CAMTA1: variants seen among roughly 807,000 people sequenced by gnomAD.
CAMTA1 encodes calmodulin binding transcription activator 1, also known as calmodulin-binding transcription activator 1.
In CAMTA1, 27 loss-of-function variants were observed where a neutral mutation model predicts 170.9. That is an observed-to-expected ratio of 0.16 (90% confidence interval 0.12 to 0.22). The LOEUF is 0.22. Ranked by LOEUF, CAMTA1 falls within the 10% of genes least tolerant of loss-of-function variation. The probability of loss-of-function intolerance (pLI) is 1.00; values close to 1 mark genes in which losing one functional copy is unlikely to be tolerated. For missense variants in CAMTA1, 1,619 were observed against 2,217.2 expected, an observed-to-expected ratio of 0.73 and a Z score of 5.42; for synonymous variants, 833 against 891.5, an observed-to-expected ratio of 0.93 and a Z score of 1.17.
chr1:7,302,075 CT>C (rs1265471240), intron 5 of CAMTA1, among the ~76,000 whole-genome samples: 2 of 149,820 alleles, frequency 1.3e-5, no homozygotes, highest in African/African-American at 4.9e-5. Flanking sequence ...TTAGGACTCA[CT>C]TTTGGAAAGG....
At chr1:6,972,629 C>G (rs1039912393) in intron 3 of CAMTA1, among the ~76,000 whole-genome samples, 1 of 152,138 alleles carries the variant, frequency 6.6e-6, no homozygotes, top group African/African-American at 2.4e-5. Flanking sequence ...ATCTGGCTGT[C>G]TTAGGGGCTG....
chr1:7,589,614 G>A (rs1465528312), intron 6 of CAMTA1, among the ~76,000 whole-genome samples: 1 of 152,120 alleles, frequency 6.6e-6, no homozygotes, highest in Non-Finnish European at 1.5e-5. Flanking sequence ...GACCTCTGTC[G>A]CTCAGCATCT....
Position 7,510,651 on chromosome 1 carries a change from G to A in CAMTA1, c.510+42750G>A, listed in dbSNP as rs945942841. On this transcript the variant is annotated intron_variant, in intron 6 of 22. Coordinates refer to ENST00000303635, the MANE Select transcript of CAMTA1 (RefSeq NM_015215.4). ...TGACGTCAAGAATCTTTCAAGTGATGAAATTCTTGGGGCGAGAATGTGTGG... is the reference window on the plus strand; with the variant it reads ...TGACGTCAAGAATCTTTCAAGTGATAAAATTCTTGGGGCGAGAATGTGTGG... Among the ~76,000 whole-genome samples the A allele has an allele frequency of 1.6e-4, 24 of 146,400 alleles. 2 individuals are homozygous for A. Among genetic ancestry groups the A allele is most frequent in the African/African-American group, 3.2e-4 (13 of 40,856 alleles).
intron 3 of CAMTA1, among the ~76,000 whole-genome samples, chr1:6,932,591 C>T (rs910291674): frequency 1.3e-5 from 2 of 152,194 alleles, no homozygotes; most frequent in African/African-American, 2.4e-5. Context: ...AAAGTGACCA[C>T]GCTGTTTTCT....
chr1:7,485,995 A>C (rs1323673748), intron 6 of CAMTA1, among the ~76,000 whole-genome samples: 1 of 152,242 alleles, frequency 6.6e-6, no homozygotes, highest in Non-Finnish European at 1.5e-5. Context: ...AGTTGAGCTT[A>C]ATTAGATAAA....
At chr1:6,871,285 AT>A (rs2148989115) in intron 3 of CAMTA1, among the ~76,000 whole-genome samples, 1 of 152,306 alleles carries the variant, frequency 6.6e-6, no homozygotes, top group South Asian at 2.1e-4. Flanking sequence ...GGTTTATTTT[AT>A]CATGTATCAC....
Position 7,481,342 on chromosome 1 carries a change from C to T in CAMTA1, c.510+13441C>T, listed in dbSNP as rs192188490. On this transcript the variant is annotated intron_variant, in intron 6 of 22. Coordinates refer to ENST00000303635, the MANE Select transcript of CAMTA1 (RefSeq NM_015215.4). ...GGTCTTCCTCTCCCTGCTCACTCTC[C>T]AGCCATACTGGCTTCTTTCTCTCCT... Among the ~76,000 whole-genome samples the T allele has an allele frequency of 2.2e-3, 335 of 152,342 alleles. 1 individual carries two copies. The highest frequency in any genetic ancestry group is 6.8e-3 in the African/African-American group (284 of 41,572).
intron 3 of CAMTA1, among the ~76,000 whole-genome samples, chr1:6,879,886 C>G (rs1008252980): frequency 1.3e-5 from 2 of 151,596 alleles, no homozygotes; most frequent in Non-Finnish European, 2.9e-5. Context: ...CTTGGCCTCC[C>G]AAAGTGATGG....
intron 3 of CAMTA1, among the ~76,000 whole-genome samples, chr1:7,006,973 T>A (rs937292108): frequency 4.6e-5 from 7 of 151,770 alleles, no homozygotes; most frequent in South Asian, 4.2e-4. Flanking sequence ...AGCACAAAAT[T>A]CACTTTCTTA....
Position 7,244,887 on chromosome 1 carries a change from TATA to T in CAMTA1, c.303-4590_303-4588del, listed in dbSNP as rs914306053. ...TGCACATGTACCCTAAAGCTTAAAG[TATA>T]ATAATAATAATAAAAATAAATACAT... On this transcript the variant is annotated intron_variant, in intron 4 of 22. Coordinates refer to ENST00000303635, the MANE Select transcript of CAMTA1 (RefSeq NM_015215.4). Among the ~76,000 whole-genome samples, 54 of 151,676 alleles carry T rather than the reference TATA, an allele frequency of 3.6e-4. 1 individual carries two copies. The highest frequency in any genetic ancestry group is 1.5e-3 in the South Asian group (7 of 4,808).
intron 5 of CAMTA1, among the ~76,000 whole-genome samples, chr1:7,255,532 T>C (rs1011541918): frequency 6.6e-6 from 1 of 152,198 alleles, no homozygotes. Context: ...CCCCTGATCT[T>C]CTTTAGCCAG....
At chr1:7,581,493 A>G (rs893461503) in intron 6 of CAMTA1, among the ~76,000 whole-genome samples, 1 of 152,228 alleles carries the variant, frequency 6.6e-6, no homozygotes, top group Admixed American at 6.5e-5. Flanking sequence ...AATTTGGAGA[A>G]AGTACAGAAA....
intron 6 of CAMTA1, among the ~76,000 whole-genome samples, chr1:7,612,088 T>A (rs1216888660): frequency 6.6e-6 from 1 of 152,220 alleles, no homozygotes; most frequent in African/African-American, 2.4e-5. Context: ...CACGGACAGC[T>A]AAGTGTTAAA....
intron 3 of CAMTA1, among the ~76,000 whole-genome samples, chr1:7,005,071 C>T (rs1284865077): frequency 6.6e-6 from 1 of 152,212 alleles, no homozygotes; most frequent in East Asian, 1.9e-4. Flanking sequence ...CATGTCCGGC[C>T]TCAAAGTTTT....
chr1:6,949,291 G>A (rs1688061357), intron 3 of CAMTA1, among the ~76,000 whole-genome samples: 1 of 152,228 alleles, frequency 6.6e-6, no homozygotes, highest in African/African-American at 2.4e-5. Context: ...AGCAGATAGG[G>A]CTGGGGCCAG....
intron 5 of CAMTA1, among the ~76,000 whole-genome samples, chr1:7,304,635 T>C (rs1188256773): frequency 1.3e-5 from 2 of 151,990 alleles, no homozygotes; most frequent in Non-Finnish European, 2.9e-5. Context: ...AAAATGGCTC[T>C]TACAGTTTTA....
chr1:7,758,664 G>T (rs1029857684), intron 22 of CAMTA1, among the ~76,000 whole-genome samples: 2 of 152,098 alleles, frequency 1.3e-5, no homozygotes, highest in African/African-American at 4.8e-5. Context: ...GGCCGGGCGC[G>T]GTGGCTTACG....
chr1:6,860,091 T>G (rs1202064513), intron 3 of CAMTA1, among the ~76,000 whole-genome samples: 1 of 152,206 alleles, frequency 6.6e-6, no homozygotes, highest in Non-Finnish European at 1.5e-5. Flanking sequence ...ATTTCTGTTT[T>G]TCTTTTAAAA....
rs375026332 is a variant in CAMTA1 at position 7,638,446 on chromosome 1, G to C, written c.511-1954G>C. Among the ~76,000 whole-genome samples the C allele has an allele frequency of 7.9e-5, 12 of 152,192 alleles. 1 individual carries two copies. The highest frequency in any genetic ancestry group is 2.1e-4 in the South Asian group (1 of 4,822). ...ACCTGAGGTCGGGAGTTCGAGACCA[G>C]CCTGACCAATATGGTGAAACCCCGT... On this transcript the variant is annotated intron_variant, in intron 6 of 22. Transcript: ENST00000303635.
Sources: gnomAD v4.1 joint callset for allele counts (sites outside exome capture counted in the v4.1 genomes callset) on GRCh38, gnomAD v4.1.1 for gene constraint, MANE v1.5 for transcripts, NCBI Gene and HGNC (gene_info 2026-07-23, HGNC 2026-07-21) for gene names.